The following SCAF8 variants were observed in gnomAD, a reference collection of about 807,000 sequenced individuals.
SCAF8 encodes the protein SR-related CTD associated factor 8, also known as SR-related and CTD-associated factor 8.
SCAF8 carries 23 observed loss-of-function variants against 140.5 expected under a neutral mutation model. That is an observed-to-expected ratio of 0.16 (90% CI 0.12 to 0.23). The LOEUF is 0.23. Among genes scored for constraint, SCAF8 ranks in the 10% least tolerant of loss-of-function variants. The pLI, the probability that SCAF8 is intolerant of heterozygous loss-of-function variation, is 1.00. For missense variants in SCAF8, 1,397 were observed against 1,555.7 expected (o/e 0.90, Z 1.72); for synonymous variants, 575 against 528.9 (o/e 1.09, Z -1.20).
chr6:154,817,754 A>C (rs1013716049), intron 13 of SCAF8, among the ~76,000 whole-genome samples: 1 of 152,206 alleles, frequency 6.6e-6, no homozygotes, highest in Admixed American at 6.5e-5. Context: ...TGAAAATAAA[A>C]TGATAGAATG....
At chr6:154,792,697 C>T (rs1777458519) in intron 4 of SCAF8, 126 bp from the exon 5 acceptor site, 1 of 591,302 alleles carries the variant, frequency 1.7e-6, no homozygotes, top group African/African-American at 1.9e-5. Flanking sequence ...AATTTTAGGG[C>T]TAGAAAGTAC....
In SCAF8 at chr6:154,833,035, C is replaced by T. The variant is rs776708628; in HGVS notation, c.3456C>T (p.Arg1152=). The change falls in exon 20 of 20, where the codon CGC becomes CGT. Residue 1152 remains arginine (R), a synonymous_variant. Coordinates refer to ENST00000367178, the MANE Select transcript of SCAF8 (RefSeq NM_014892.5). ...GQEVHRDFDD[R]RRPWERQRDR... ...AAGTTCACAGAGATTTTGATGACCG[C>T]AGAAGACCCTGGGAGAGGCAAAGGG... is the stretch of plus-strand genomic sequence containing the variant. 12 of 1,613,994 alleles carry T rather than the reference C, an allele frequency of 7.4e-6. No homozygotes were observed. The Admixed American group carries it at 1.8e-4, about 25-fold the overall frequency.
chr6:154,822,008 ATCTATTGTATCTCT>A (rs1275988909), intron 15 of SCAF8, among the ~76,000 whole-genome samples: 15 of 152,206 alleles, frequency 9.9e-5, no homozygotes, highest in African/African-American at 3.6e-4. Flanking sequence ...TGAGATACAT[ATCTATTGTATCTCT>A]TCTAAGTGTT....
At chr6:154,804,058 G>A (rs1269613469) in intron 8 of SCAF8, among the ~76,000 whole-genome samples, 2 of 151,832 alleles carry the variant, frequency 1.3e-5, no homozygotes, top group African/African-American at 4.8e-5. Context: ...GTAAAGAAAT[G>A]TGTTGTATGT....
chr6:154,736,461 G>A (rs1443733210), intron 1 of SCAF8, among the ~76,000 whole-genome samples: 1 of 151,680 alleles, frequency 6.6e-6, no homozygotes, highest in East Asian at 1.9e-4. Flanking sequence ...TAGTAGAGAT[G>A]GGGTTTCATC....
intron 3 of SCAF8, among the ~76,000 whole-genome samples, chr6:154,779,178 A>G (rs776481142): frequency 1.2e-4 from 18 of 152,072 alleles, no homozygotes; most frequent in Non-Finnish European, 1.9e-4. Flanking sequence ...GATTACAGAC[A>G]TGCGCCACCA....
chr6:154,822,483 T>C (rs1458189507), intron 16 of SCAF8, 74 bp downstream of exon 16: 3 of 1,411,416 alleles, frequency 2.1e-6, no homozygotes, highest in Non-Finnish European at 2.9e-6. Context: ...ATTTACTTTA[T>C]AAAACCGGAA....
intron 2 of SCAF8, among the ~76,000 whole-genome samples, chr6:154,775,802 A>G (rs929905005): frequency 1.5e-4 from 23 of 151,756 alleles, no homozygotes; most frequent in Non-Finnish European, 2.9e-5. Context: ...ATTATTATAT[A>G]TTTTATTATT....
intron 6 of SCAF8, among the ~76,000 whole-genome samples, chr6:154,797,263 C>A (rs1450119529): frequency 1.3e-5 from 2 of 151,334 alleles, no homozygotes; most frequent in African/African-American, 4.8e-5. Context: ...CTTTTTATTT[C>A]TTTCTGTTAC....
At chr6:154,737,685 G>A (rs1392915021) in intron 1 of SCAF8, among the ~76,000 whole-genome samples, 1 of 152,110 alleles carries the variant, frequency 6.6e-6, no homozygotes, top group East Asian at 1.9e-4. Flanking sequence ...CCGGGCAACA[G>A]TGCGACCCTG....
intron 6 of SCAF8, among the ~76,000 whole-genome samples, chr6:154,801,225 A>G (rs1777763516): frequency 6.6e-6 from 1 of 151,542 alleles, no homozygotes; most frequent in Admixed American, 6.6e-5. Context: ...AAATTACTTT[A>G]CTGTCATCTT....
chr6:154,751,828 A>C (rs1272073682), intron 1 of SCAF8, among the ~76,000 whole-genome samples: 1 of 152,158 alleles, frequency 6.6e-6, no homozygotes, highest in Non-Finnish European at 1.5e-5. Flanking sequence ...CAGAATAAGG[A>C]GCATACTACT....
intron 9 of SCAF8, among the ~76,000 whole-genome samples, chr6:154,807,256 T>C (rs1777947151): frequency 6.6e-6 from 1 of 152,194 alleles, no homozygotes; most frequent in South Asian, 2.1e-4. Context: ...ACTCTGGGCT[T>C]AGTTAATTAC....
At chr6:154,772,419 G>A (rs1249959960) in intron 1 of SCAF8, among the ~76,000 whole-genome samples, 2 of 152,304 alleles carry the variant, frequency 1.3e-5, no homozygotes, top group South Asian at 4.1e-4. Context: ...GCCGGGCACT[G>A]TGGCTCATGC....
intron 1 of SCAF8, among the ~76,000 whole-genome samples, chr6:154,737,529 A>C (rs1032411212): frequency 2.6e-5 from 4 of 151,876 alleles, no homozygotes; most frequent in African/African-American, 7.2e-5. Flanking sequence ...AACAACAACA[A>C]CACAAATTAG....
At chr6:154,809,118 A>G (rs1778010185) in intron 11 of SCAF8, among the ~76,000 whole-genome samples, 1 of 152,202 alleles carries the variant, frequency 6.6e-6, no homozygotes, top group African/African-American at 2.4e-5. Flanking sequence ...AAGTCAGGCC[A>G]TATTTCCTGG....
chr6:154,787,569 G>A lies in SCAF8; in HGVS notation c.160-292G>A, dbSNP rs544118709. 2.0e-5 allele frequency among the ~76,000 whole-genome samples: 3 copies of A among 152,182 alleles called. No individual in the cohort carries two copies. In the South Asian group the frequency reaches 6.2e-4, roughly 32 times the overall value. On this transcript the variant is annotated intron_variant, in intron 3 of 19. Transcript: ENST00000367178. ...TTCTTCCATGTAGCTTTTCACAGTG[G>A]TTAAACAAATTTTAAAAATTATAAT...
intron 19 of SCAF8, among the ~76,000 whole-genome samples, chr6:154,831,469 G>T (rs1778731021): frequency 6.6e-6 from 1 of 151,896 alleles, no homozygotes; most frequent in South Asian, 2.1e-4. Context: ...CAAGTATTGG[G>T]TGTGAGTAAC....
chr6:154,784,120 G>GATATAT lies in SCAF8; in HGVS notation c.160-3708_160-3703dup, dbSNP rs72135986. Reference sequence around the variant, plus strand: ...TATTTACTTATCTCTGGTGTCTTGAGATATATATATATATATATATATATA... The same window carrying GATATAT: ...TATTTACTTATCTCTGGTGTCTTGAGATATATATATATATATATATATATATATATA... On this transcript the variant is annotated intron_variant, in intron 3 of 19. Transcript: ENST00000367178. Among the ~76,000 whole-genome samples the GATATAT allele has an allele frequency of 7.4e-3, 788 of 106,504 alleles. 4 individuals carry two copies. Among genetic ancestry groups the GATATAT allele is most frequent in the Non-Finnish European group, 9.8e-3 (498 of 50,574 alleles). The allele number at this position is 106,504 out of a possible 152,430, so 69.9% of individuals were successfully genotyped here.
Sources: gnomAD v4.1 joint callset for allele counts (sites outside exome capture counted in the v4.1 genomes callset) on GRCh38, gnomAD v4.1.1 for gene constraint, MANE v1.5 for transcripts, NCBI Gene and HGNC (gene_info 2026-07-23, HGNC 2026-07-21) for gene names.